The following PITPNB variants were observed in gnomAD, a reference collection of about 807,000 sequenced individuals.
The protein encoded by PITPNB is phosphatidylinositol transfer protein beta isoform.
PITPNB carries 16 observed loss-of-function variants against 45.9 expected under a neutral mutation model. The ratio of observed to expected loss-of-function variants is 0.35; its 90% CI spans 0.24 to 0.53. PITPNB has a LOEUF of 0.53. PITPNB is among the 20% of genes least tolerant of loss of function. The pLI, the probability that PITPNB is intolerant of heterozygous loss-of-function variation, is 0.93. For synonymous variants in PITPNB, 112 were observed against 108.9 expected, an observed-to-expected ratio of 1.03 and a Z score of -0.18; for missense variants, 188 against 330.5, an observed-to-expected ratio of 0.57 and a Z score of 3.34.
intron 7 of PITPNB, among the ~76,000 whole-genome samples, chr22:27,893,126 C>G (rs1205103633): frequency 6.6e-6 from 1 of 152,214 alleles, no homozygotes; most frequent in Non-Finnish European, 1.5e-5. Flanking sequence ...AAGGGTACCA[C>G]TCTTATTCCA....
At chr22:27,899,981 T>A (rs1398513354) in intron 3 of PITPNB, among the ~76,000 whole-genome samples, 2 of 152,018 alleles carry the variant, frequency 1.3e-5, no homozygotes, top group African/African-American at 4.8e-5. Context: ...GGTGGGTGGA[T>A]CACCTGAGGT....
intron 7 of PITPNB, among the ~76,000 whole-genome samples, chr22:27,876,497 A>C (rs1934823541): frequency 6.6e-6 from 1 of 152,180 alleles, no homozygotes; most frequent in Non-Finnish European, 1.5e-5. Flanking sequence ...AAGACCCAGG[A>C]ATTTCTGTTT....
At chr22:27,867,598 T>G (rs990766806) in intron 8 of PITPNB, among the ~76,000 whole-genome samples, 1 of 152,220 alleles carries the variant, frequency 6.6e-6, no homozygotes, top group Non-Finnish European at 1.5e-5. Flanking sequence ...AAGAGGACTA[T>G]GTTAAATGCT....
At chr22:27,886,635 TGA>T (rs1380765546) in intron 7 of PITPNB, among the ~76,000 whole-genome samples, 2 of 152,342 alleles carry the variant, frequency 1.3e-5, no homozygotes, top group African/African-American at 4.8e-5. Context: ...ACAACCTAGC[TGA>T]GAGAGTTAAA....
chr22:27,903,817 A>G (rs1468913327), intron 3 of PITPNB, among the ~76,000 whole-genome samples: 1 of 151,614 alleles, frequency 6.6e-6, no homozygotes, highest in Non-Finnish European at 1.5e-5. Flanking sequence ...AAGTGGGGGT[A>G]CAAGATTTGA....
intron 7 of PITPNB, 34 bp downstream of exon 7, chr22:27,894,521 G>C (rs781386998): frequency 4.5e-6 from 5 of 1,104,134 alleles, no homozygotes; most frequent in Non-Finnish European, 6.9e-6. Flanking sequence ...AACTGTAAAA[G>C]GGAACAGATT....
At position 27,853,450 on chromosome 22, in the gene PITPNB, G is replaced by A. The variant is rs1196941084; in HGVS notation, c.*252C>T. ...TGTATGTACATATATACACAAGTGTGTGTATCTGGATCTGTAGCTCTACAT... is the reference window on the plus strand; with the variant it reads ...TGTATGTACATATATACACAAGTGTATGTATCTGGATCTGTAGCTCTACAT... On this transcript the variant is annotated 3_prime_UTR_variant, in exon 12 of 12. Coordinates refer to ENST00000335272, the MANE Select transcript of PITPNB (RefSeq NM_012399.5). 3 of 619,124 alleles carry A rather than the reference G, an allele frequency of 4.8e-6. No homozygotes were observed. The Admixed American group carries it at 7.5e-5, about 15-fold the overall frequency. The allele number at this position is 619,124 out of a possible 1,614,324, so 38.4% of individuals were successfully genotyped here.
Position 27,853,545 on chromosome 22 carries a change from G to C in PITPNB, c.*157C>G. ...CACACGTGGTTGAGAACCTGTGCAT[G>C]TGTGTGTATCATCACAAGCACACAT... On this transcript the variant is annotated 3_prime_UTR_variant, in exon 12 of 12. Transcript: ENST00000335272. The C allele has an allele frequency of 1.7e-6, 2 of 1,196,968 alleles. No individual in the cohort carries two copies. The highest frequency in any genetic ancestry group is 2.4e-6 in the Non-Finnish European group (2 of 824,042). 74.1% of individuals were successfully genotyped at this position (1,196,968 alleles called of 1,614,324 possible).
intron 7 of PITPNB, among the ~76,000 whole-genome samples, chr22:27,884,265 G>C (rs578054732): frequency 2.0e-5 from 3 of 152,190 alleles, no homozygotes; most frequent in Non-Finnish European, 4.4e-5. Flanking sequence ...AAAAAGGATG[G>C]AGATTTTGGG....
chr22:27,876,092 CCA>C (rs1191347568), intron 7 of PITPNB, among the ~76,000 whole-genome samples: 1 of 152,176 alleles, frequency 6.6e-6, no homozygotes, highest in African/African-American at 2.4e-5. Context: ...GATGCTAAAA[CCA>C]CAGTCTGACG....
intron 3 of PITPNB, among the ~76,000 whole-genome samples, chr22:27,908,010 T>G (rs1413843517): frequency 6.6e-6 from 1 of 151,772 alleles, no homozygotes; most frequent in East Asian, 2.0e-4. Context: ...CTTCTTTTAT[T>G]TAACCACTGA....
chr22:27,916,124 G>A (rs1352289997), intron 1 of PITPNB, among the ~76,000 whole-genome samples: 1 of 152,206 alleles, frequency 6.6e-6, no homozygotes, highest in East Asian at 1.9e-4. Context: ...TCACTGCTGA[G>A]TAATTTTACA....
intron 7 of PITPNB, among the ~76,000 whole-genome samples, chr22:27,886,995 T>C (rs534480630): frequency 1.3e-5 from 2 of 152,312 alleles, no homozygotes; most frequent in East Asian, 3.9e-4. Context: ...GTGCCACAAG[T>C]ACAAACTTTG....
In PITPNB at chr22:27,860,266, G is replaced by T. The variant is rs567481080; in HGVS notation, c.535-25C>A. On this transcript the variant is annotated intron_variant, in intron 8 of 11. Transcript: ENST00000335272. ...TCTAGATGAGAAAAATTGAAAAGGA[G>T]AAATTATGACTTAAATATTTATGTT... 3 of 1,357,322 alleles carry T rather than the reference G, an allele frequency of 2.2e-6. No individual in the cohort carries two copies. In the South Asian group the frequency reaches 3.7e-5, roughly 17 times the overall value. 84.1% of individuals were successfully genotyped at this position (1,357,322 alleles called of 1,614,324 possible).
chr22:27,885,212 TAAAAAAAAAAAAAAAAAAAAAAAAAAAAA>T (rs71194746), intron 7 of PITPNB, among the ~76,000 whole-genome samples: 2 of 30,192 alleles, frequency 6.6e-5, no homozygotes, highest in Non-Finnish European at 1.3e-4. Context: ...AATTTATACC[TAAAAAAAAAAAAAAAAAAAAAAAAAAAAA>T]AAAAAAAAAA....
intron 8 of PITPNB, among the ~76,000 whole-genome samples, chr22:27,865,645 C>T (rs1934461295): frequency 6.6e-6 from 1 of 152,076 alleles, no homozygotes; most frequent in East Asian, 1.9e-4. Context: ...TCAAGAGGTT[C>T]ACAGCCTGTG....
rs553945668 is a variant in PITPNB, at chr22:27,862,359, T to C, written c.535-2118A>G. On this transcript the variant is annotated intron_variant, in intron 8 of 11. Coordinates refer to ENST00000335272, the MANE Select transcript of PITPNB (RefSeq NM_012399.5). ...TCTAGGGATATACTATATGAAAAAT[T>C]ATTATCTTGGTATTATTAATGCGAC... is the stretch of plus-strand genomic sequence containing the variant. Among the ~76,000 whole-genome samples the C allele has an allele frequency of 3.9e-5, 6 of 152,278 alleles. No individual in the cohort carries two copies. In the East Asian group the frequency reaches 1.2e-3, roughly 29 times the overall value.
chr22:27,867,279 T>C (rs1308395711), intron 8 of PITPNB, among the ~76,000 whole-genome samples: 1 of 151,788 alleles, frequency 6.6e-6, no homozygotes, highest in African/African-American at 2.4e-5. Context: ...ACAGGGGGAA[T>C]ACATAAACCA....
intron 8 of PITPNB, among the ~76,000 whole-genome samples, chr22:27,863,925 A>G (rs1364120860): frequency 1.3e-5 from 2 of 152,252 alleles, no homozygotes; most frequent in African/African-American, 4.8e-5. Flanking sequence ...TTTAGAAACT[A>G]TAAGCCACGG....
Sources: allele counts gnomAD v4.1 joint callset (sites outside exome capture counted in the v4.1 genomes callset), GRCh38; gene constraint gnomAD v4.1.1; transcripts MANE v1.5; gene names NCBI Gene and HGNC (gene_info 2026-07-23, HGNC 2026-07-21).